The following ABCC4 variants were observed in gnomAD, a reference collection of about 807,000 sequenced individuals.
ABCC4 encodes the protein ATP-binding cassette sub-family C member 4.
Under a neutral mutation model 168.5 loss-of-function variants are expected in ABCC4, and 102 were observed. The observed-to-expected ratio is 0.61, with a 90% CI of 0.52 to 0.71. The LOEUF is 0.71. Ranked by LOEUF, ABCC4 falls within the 30% of genes least tolerant of loss-of-function variation. The pLI, the probability that ABCC4 is intolerant of heterozygous loss-of-function variation, is 0.00. For synonymous variants in ABCC4, 617 were observed against 590.7 expected, an observed-to-expected ratio of 1.04 and a Z score of -0.65; for missense variants, 1,402 against 1,605.8, an observed-to-expected ratio of 0.87 and a Z score of 2.17.
chr13:95,281,157 A>G (rs1190238928), intron 1 of ABCC4, among the ~76,000 whole-genome samples: 1 of 151,978 alleles, frequency 6.6e-6, no homozygotes, highest in Non-Finnish European at 1.5e-5. Context: ...TAAAAATACA[A>G]AAATTAGCTG....
intron 3 of ABCC4, among the ~76,000 whole-genome samples, chr13:95,240,182 A>G (rs1271497740): frequency 6.6e-6 from 1 of 152,232 alleles, no homozygotes; most frequent in African/African-American, 2.4e-5. Context: ...GAGGAGGGAT[A>G]TGCAATGAGC....
chr13:95,295,251 C>G (rs2041499239), intron 1 of ABCC4, among the ~76,000 whole-genome samples: 1 of 152,190 alleles, frequency 6.6e-6, no homozygotes, highest in South Asian at 2.1e-4. Flanking sequence ...CACAGTGACT[C>G]ACACCTGCAA....
chr13:95,293,283 G>A lies in ABCC4; in HGVS notation c.74+7958C>T, dbSNP rs997468131. Reference sequence around the variant, plus strand: ...TGCGGCAGGAGAATCGCTTGAGCCCGGGAGGCGGAGGTTGTAGTGAGCCGA... The same window carrying A: ...TGCGGCAGGAGAATCGCTTGAGCCCAGGAGGCGGAGGTTGTAGTGAGCCGA... On this transcript the variant is annotated intron_variant, in intron 1 of 30. Transcript: ENST00000645237. Among the ~76,000 whole-genome samples, 30 of 151,660 alleles carry A rather than the reference G, an allele frequency of 2.0e-4. 1 individual carries two copies. The highest frequency in any genetic ancestry group is 5.8e-4 in the African/African-American group (24 of 41,394).
intron 4 of ABCC4, among the ~76,000 whole-genome samples, chr13:95,211,327 T>C (rs907758016): frequency 2.0e-5 from 3 of 152,218 alleles, no homozygotes; most frequent in African/African-American, 7.2e-5. Flanking sequence ...CATGTTTTCC[T>C]GCCTTGGGAG....
At chr13:95,265,425 A>G (rs1325357515) in intron 1 of ABCC4, among the ~76,000 whole-genome samples, 5 of 128,890 alleles carry the variant, frequency 3.9e-5, no homozygotes, top group Non-Finnish European at 6.3e-5. Context: ...AGCATGACAC[A>G]ATAAGAAAAA....
At chr13:95,289,856 G>T (rs1326741906) in intron 1 of ABCC4, among the ~76,000 whole-genome samples, 1 of 152,092 alleles carries the variant, frequency 6.6e-6, no homozygotes, top group South Asian at 2.1e-4. Context: ...CAGCATTTTG[G>T]GAGGCCAAGG....
At chr13:95,274,396 G>T (rs1009448756) in intron 1 of ABCC4, among the ~76,000 whole-genome samples, 6 of 152,162 alleles carry the variant, frequency 3.9e-5, no homozygotes, top group Non-Finnish European at 7.3e-5. Flanking sequence ...CCAACCCAGA[G>T]CTATGCCGTC....
chr13:95,035,359 T>C (rs1593980659), intron 29 of ABCC4, among the ~76,000 whole-genome samples: 1 of 152,190 alleles, frequency 6.6e-6, no homozygotes, highest in African/African-American at 2.4e-5. Flanking sequence ...ACTTTATTAT[T>C]CCGAGAGAGA....
At chr13:95,186,617 A>G in intron 11 of ABCC4, 84 bp downstream of exon 11, 1 of 1,352,100 alleles carries the variant, frequency 7.4e-7, no homozygotes, top group Non-Finnish European at 1.0e-6. Flanking sequence ...AAAAATTAAA[A>G]AAAAGTTAAT....
chr13:95,046,090 T>A lies in ABCC4; in HGVS notation c.3457-1652A>T, dbSNP rs115100521. Among the ~76,000 whole-genome samples the A allele has an allele frequency of 1.1e-3, 170 of 152,292 alleles. 2 individuals are homozygous for A. In the East Asian group the frequency reaches 0.032, roughly 28 times the overall value. The stretch of plus-strand genomic sequence containing the variant: ...TGTCAGCTTAGTCAAACCCTCTCCA[T>A]TACAAAGAAGAGGACTTGCTGAGTA... On this transcript the variant is annotated intron_variant, in intron 27 of 30. Coordinates refer to ENST00000645237, the MANE Select transcript of ABCC4 (RefSeq NM_005845.5).
At chr13:95,108,650 T>TA (rs1012501976) in intron 20 of ABCC4, among the ~76,000 whole-genome samples, 1 of 151,830 alleles carries the variant, frequency 6.6e-6, no homozygotes, top group Non-Finnish European at 1.5e-5. Context: ...TCTTTTTTTT[T>TA]TTTTTATTTT....
At chr13:95,298,602 A>G (rs1285468564) in intron 1 of ABCC4, among the ~76,000 whole-genome samples, 1 of 152,164 alleles carries the variant, frequency 6.6e-6, no homozygotes, top group African/African-American at 2.4e-5. Flanking sequence ...GTTGTTACAC[A>G]TGCATCATCT....
At chr13:95,193,281 C>T (rs1290458421) in intron 9 of ABCC4, among the ~76,000 whole-genome samples, 1 of 152,238 alleles carries the variant, frequency 6.6e-6, no homozygotes, top group African/African-American at 2.4e-5. Flanking sequence ...AGGTCAGCCA[C>T]AAAGAGCACC....
At chr13:95,031,718 A>G (rs1246089806) in intron 30 of ABCC4, among the ~76,000 whole-genome samples, 2 of 152,174 alleles carry the variant, frequency 1.3e-5, no homozygotes, top group Non-Finnish European at 2.9e-5. Context: ...ACATTGATTT[A>G]AAAAAAGATT....
At chr13:95,236,706 AT>A (rs2039784169) in intron 3 of ABCC4, among the ~76,000 whole-genome samples, 3 of 152,296 alleles carry the variant, frequency 2.0e-5, no homozygotes, top group Middle Eastern at 3.4e-3. Context: ...AGAAAATACC[AT>A]TTAGTTGAAG....
At chr13:95,115,844 C>A in intron 20 of ABCC4, 78 bp downstream of exon 20, 5 of 1,215,164 alleles carry the variant, frequency 4.1e-6, no homozygotes, top group Non-Finnish European at 6.0e-6. Flanking sequence ...GTCCCACCCC[C>A]AGACCCCATG....
At chr13:95,077,006 C>T (rs1245539755) in intron 21 of ABCC4, among the ~76,000 whole-genome samples, 2 of 152,186 alleles carry the variant, frequency 1.3e-5, no homozygotes, top group Non-Finnish European at 2.9e-5. Context: ...CAGGTGTGAG[C>T]CACCATTTCC....
At chr13:95,133,318 T>C (rs1029611530) in intron 19 of ABCC4, among the ~76,000 whole-genome samples, 1 of 152,042 alleles carries the variant, frequency 6.6e-6, no homozygotes, top group Non-Finnish European at 1.5e-5. Context: ...TTCACCATGT[T>C]GGCCAGGCTG....
intron 1 of ABCC4, among the ~76,000 whole-genome samples, chr13:95,275,151 T>C (rs544623320): frequency 3.2e-4 from 48 of 152,336 alleles, no homozygotes; most frequent in African/African-American, 1.0e-3. Context: ...TGACACAGAC[T>C]TCAGCCCCAG....
Sources: allele counts gnomAD v4.1 joint callset (sites outside exome capture counted in the v4.1 genomes callset), GRCh38; gene constraint gnomAD v4.1.1; transcripts MANE v1.5; gene names NCBI Gene and HGNC (gene_info 2026-07-23, HGNC 2026-07-21).